The following SRSF5 variants were observed in gnomAD, a reference collection of about 807,000 sequenced individuals.
The protein encoded by SRSF5 is serine and arginine rich splicing factor 5.
Under a neutral mutation model 34.0 loss-of-function variants are expected in SRSF5, and 5 were observed. The ratio of observed to expected loss-of-function variants is 0.15; its 90% CI spans 0.08 to 0.31. SRSF5 has a LOEUF of 0.31. Ranked by LOEUF, SRSF5 falls within the 10% of genes least tolerant of loss-of-function variation. The pLI, the probability that SRSF5 is intolerant of heterozygous loss-of-function variation, is 1.00. For synonymous variants in SRSF5, 164 were observed against 117.7 expected, an observed-to-expected ratio of 1.39 and a Z score of -2.55; for missense variants, 223 against 351.4, an observed-to-expected ratio of 0.63 and a Z score of 2.92.
At chr14:69,771,148 T>G in intron 7 of SRSF5, 43 bp downstream of exon 7, 18 of 1,613,284 alleles carry the variant, frequency 1.1e-5, no homozygotes, top group Non-Finnish European at 1.5e-5. Context: ...TTTAATGGGT[T>G]TGTTGTAGAG....
chr14:69,768,353 T>G, intron 2 of SRSF5, 71 bp downstream of exon 2: 1 of 1,584,588 alleles, frequency 6.3e-7, no homozygotes, highest in Non-Finnish European at 8.6e-7. Context: ...TTTTCGATCT[T>G]GAGTCCGGGT....
At chr14:69,769,332 T>C (rs1014707923) in intron 5 of SRSF5, 81 bp downstream of exon 5, 21 of 1,562,400 alleles carry the variant, frequency 1.3e-5, no homozygotes, top group Non-Finnish European at 1.8e-5. Context: ...TATTGTTTTA[T>C]TAAAAGTAGT....
chr14:69,770,260 TTTTGCTTAAAAGCAATATGCTA>T, intron 5 of SRSF5, 185 bp from the exon 6 acceptor site: 3 of 1,353,942 alleles, frequency 2.2e-6, no homozygotes, highest in South Asian at 1.8e-5. Flanking sequence ...TCTTTTAGCA[TTTTGCTTAAAAGCAATATGCTA>T]TTTGCTTATT....
In SRSF5 at chr14:69,771,015, A is replaced by C; in HGVS notation, c.461A>C (p.Tyr154Ser). 1 of 1,613,500 alleles carries C rather than the reference A, an allele frequency of 6.2e-7. No individual in the cohort carries two copies. The highest frequency in any genetic ancestry group is 8.5e-7 in the Non-Finnish European group (1 of 1,179,864). ...LNEGVVEFAS[Y>S]GDLKNAIEKL... ...TTTAGGGTGGTTGAGTTTGCCTCTT[A>C]TGGTGACTTAAAGAATGCTATTGAA... The change falls in exon 7 of 8, where the codon TAT becomes TCT. Residue 154 changes from tyrosine to serine, a missense_variant. Coordinates refer to ENST00000557154, the MANE Select transcript of SRSF5 (RefSeq NM_001320214.2).
chr14:69,768,426 C>A, intron 2 of SRSF5, 144 bp downstream of exon 2: 1 of 1,349,420 alleles, frequency 7.4e-7, no homozygotes, highest in Non-Finnish European at 1.0e-6. Context: ...AGGCTGAAAA[C>A]AACTTTAACT....
Position 69,771,480 on chromosome 14 carries a change from T to C in SRSF5, c.*19T>C. On this transcript the variant is annotated 3_prime_UTR_variant, in exon 8 of 8. Coordinates refer to ENST00000557154, the MANE Select transcript of SRSF5 (RefSeq NM_001320214.2). Reference sequence around the variant, plus strand: ...CAATTAAACTGTAAATAACTTGCCCTGGGGGCCTTTTTTTAAAAAACAAAA... The same window carrying C: ...CAATTAAACTGTAAATAACTTGCCCCGGGGGCCTTTTTTTAAAAAACAAAA... 3 of 1,584,034 alleles carry C rather than the reference T, an allele frequency of 1.9e-6. No homozygotes were observed. In the South Asian group the frequency reaches 3.5e-5, roughly 18 times the overall value.
rs1882547805 is a variant in SRSF5, at chr14:69,767,181, T to A, written c.-94T>A. 1 of 354,928 alleles carries A rather than the reference T, an allele frequency of 2.8e-6. No individual in the cohort carries two copies. Among genetic ancestry groups the A allele is most frequent in the African/African-American group, 2.1e-5 (1 of 46,624 alleles). The allele number at this position is 354,928 out of a possible 1,614,324, so 22.0% of individuals were successfully genotyped here. On this transcript the variant is annotated 5_prime_UTR_variant, in exon 1 of 8. Transcript: ENST00000557154. ...GGCGTAGACGAGTTAAGTCCTGGTC[T>A]GCGTGGAGGTCGACGACTCCGTCGC...
chr14:69,769,621 GA>G, intron 5 of SRSF5: 1 of 1,534,662 alleles, frequency 6.5e-7, no homozygotes. Context: ...CTCCTACAGT[GA>G]TCAGTTGGCC....
chr14:69,770,105 G>GT (rs571080671), intron 5 of SRSF5: 62 of 1,030,844 alleles, frequency 6.0e-5, no homozygotes, highest in South Asian at 3.2e-4. Context: ...TAAATGTTCT[G>GT]TTTTTTTAAA....
chr14:69,768,392 C>A, intron 2 of SRSF5, 110 bp downstream of exon 2: 1 of 1,480,404 alleles, frequency 6.8e-7, no homozygotes, highest in Non-Finnish European at 9.3e-7. Flanking sequence ...AAATGTTACC[C>A]AGCCTTATGT....
At position 69,767,148 on chromosome 14, in the gene SRSF5, T is replaced by C; in HGVS notation, c.-127T>C. 1 of 315,612 alleles carries C rather than the reference T, an allele frequency of 3.2e-6. No homozygotes were observed. The highest frequency in any genetic ancestry group is 6.3e-6 in the Non-Finnish European group (1 of 157,780). The allele number at this position is 315,612 out of a possible 1,614,324, so 19.6% of individuals were successfully genotyped here. A position where few individuals can be genotyped will look rare whatever the true frequency, so the allele number is the denominator to read the frequency against. On this transcript the variant is annotated 5_prime_UTR_variant, in exon 1 of 8. Coordinates refer to ENST00000557154, the MANE Select transcript of SRSF5 (RefSeq NM_001320214.2). ...CGCCAGAGCTGCTAAGTGCGTCAGTTGTGGAGTGGCGTAGACGAGTTAAGT... is the reference window on the plus strand; with the variant it reads ...CGCCAGAGCTGCTAAGTGCGTCAGTCGTGGAGTGGCGTAGACGAGTTAAGT...
At position 69,771,296 on chromosome 14, in the gene SRSF5, G is replaced by A. The variant is rs1455684296; in HGVS notation, c.654G>A (p.Arg218=). ...SRKSYSRSRS[R]SRSRSRSKSR... Reference sequence around the variant, plus strand: ...AATCTTACAGCCGGTCAAGAAGCAGGAGCAGGAGCCGGAGCCGGAGCAAGT... The same window carrying A: ...AATCTTACAGCCGGTCAAGAAGCAGAAGCAGGAGCCGGAGCCGGAGCAAGT... Residue 218 remains arginine (R), a synonymous_variant, in exon 8 of 8, where the codon AGG becomes AGA. Coordinates refer to ENST00000557154, the MANE Select transcript of SRSF5 (RefSeq NM_001320214.2). 6.2e-7 allele frequency: 1 copy of A among 1,613,874 alleles called. No homozygotes were observed. The highest frequency in any genetic ancestry group is 8.5e-7 in the Non-Finnish European group (1 of 1,179,904).
chr14:69,767,467 A>G (rs1882603643), intron 1 of SRSF5: 3 of 455,772 alleles, frequency 6.6e-6, no homozygotes, highest in Non-Finnish European at 1.3e-5. Context: ...TCGTTTTTAC[A>G]CAGCGGTTGT....
intron 5 of SRSF5, chr14:69,769,688 C>T (rs554004285): frequency 1.4e-6 from 2 of 1,476,824 alleles, no homozygotes; most frequent in African/African-American, 2.8e-5. Context: ...CCTTGAAGTG[C>T]CAGGTTGCAG....
chr14:69,767,468 C>T (rs1388889553), intron 1 of SRSF5: 5 of 455,912 alleles, frequency 1.1e-5, no homozygotes, highest in African/African-American at 6.0e-5. Flanking sequence ...CGTTTTTACA[C>T]AGCGGTTGTG....
intron 1 of SRSF5, chr14:69,767,874 G>C (rs548707066): frequency 2.3e-4 from 96 of 424,384 alleles, no homozygotes; most frequent in African/African-American, 1.8e-3. Context: ...CGGAGAGCCC[G>C]GAGAGTGTGC....
chr14:69,767,711 G>T (rs554265072), intron 1 of SRSF5: 3 of 361,672 alleles, frequency 8.3e-6, no homozygotes, highest in African/African-American at 4.3e-5. Context: ...GCCCGCTGCT[G>T]TTGGCGCAGG....
chr14:69,768,991 G>GTA, intron 4 of SRSF5, 95 bp downstream of exon 4: 1 of 1,370,578 alleles, frequency 7.3e-7, no homozygotes, highest in South Asian at 1.2e-5. Context: ...GGGTCCTGCC[G>GTA]TATAATCTGT....
At chr14:69,769,744 C>T (rs1047517760) in intron 5 of SRSF5, 5 of 1,384,332 alleles carry the variant, frequency 3.6e-6, no homozygotes, top group African/African-American at 2.9e-5. Context: ...AAGTTGAGAC[C>T]TGTCTTCCTG....
Sources: gnomAD v4.1 joint callset for allele counts on GRCh38, gnomAD v4.1.1 for gene constraint, MANE v1.5 for transcripts, NCBI Gene and HGNC (gene_info 2026-07-23, HGNC 2026-07-21) for gene names.